Variants in PPP1R15B observed in about 807,000 individuals in gnomAD.
PPP1R15B encodes the protein protein phosphatase 1, regulatory (inhibitor) subunit 15B.
A neutral mutation model predicts 53.9 loss-of-function variants in PPP1R15B; 31 were observed. That is an observed-to-expected ratio of 0.58 (90% CI 0.43 to 0.78). PPP1R15B has a LOEUF of 0.78. Among genes scored for constraint, PPP1R15B ranks in the 30% least tolerant of loss-of-function variants. PPP1R15B has a pLI of 0.00. For synonymous variants in PPP1R15B, 345 were observed against 329.1 expected (o/e 1.05, Z -0.52); for missense variants, 928 against 849.6 (o/e 1.09, Z -1.15).
intron 1 of PPP1R15B, 77 bp from the exon 2 acceptor site, chr1:204,406,390 A>G: frequency 7.3e-6 from 11 of 1,510,612 alleles, no homozygotes; most frequent in Non-Finnish European, 9.8e-6. Context: ...CCTTTATGCT[A>G]CCAATTCTTT....
At position 204,410,762 on chromosome 1, in the gene PPP1R15B, C is replaced by T. The variant is rs920566369; in HGVS notation, c.650G>A (p.Ser217Asn). The change falls in exon 1 of 2, where the codon AGT (serine) becomes AAT (asparagine). Residue 217 changes from serine (S) to asparagine (N), a missense_variant. Transcript: ENST00000367188. ...AGGGTTCAGCAAATAGGATACCACA[C>T]TGAAATTGTCTATGCGTTGAATGTT... ...PLNIQRIDNF[S>N]VVSYLLNPSY... 4 of 1,614,102 alleles carry T rather than the reference C, an allele frequency of 2.5e-6. No individual in the cohort carries two copies. Among genetic ancestry groups the T allele is most frequent in the Admixed American group, 1.7e-5 (1 of 60,002 alleles).
In PPP1R15B at chr1:204,409,793, T is replaced by A. The variant is rs1674329106; in HGVS notation, c.1619A>T (p.Glu540Val). The A allele has an allele frequency of 1.2e-6, 2 of 1,614,046 alleles. No homozygotes were observed. The highest frequency in any genetic ancestry group is 1.7e-6 in the Non-Finnish European group (2 of 1,180,026). The change falls in exon 1 of 2, where the codon GAA becomes GTA. Residue 540 changes from glutamate (E) to valine (V), a missense_variant. Physicochemically the swap from Glu to Val is moderately radical, Grantham distance 121. Coordinates refer to ENST00000367188, the MANE Select transcript of PPP1R15B (RefSeq NM_032833.5). ...ATCTGCACTAGATTCCCAGTCATCT[T>A]CCTCCCCAGAACTATGCTCAGGGGT... The part of the protein sequence containing the change: ...PETPEHSSGE[E>V]DDWESSADEA...
chr1:204,406,269 A>C lies in PPP1R15B; in HGVS notation c.1965T>G (p.Asp655Glu). Residue 655 changes from aspartate (D) to glutamate (E), a missense_variant, in exon 2 of 2, where the codon GAT becomes GAG. Coordinates refer to ENST00000367188, the MANE Select transcript of PPP1R15B (RefSeq NM_032833.5). Reference protein sequence around the residue: ...EEVTEYYISGDEDRKGPWEEF... With the variant: ...EEVTEYYISGEEDRKGPWEEF... ...CTTCCCATGGTCCTTTGCGATCCTC[A>C]TCACCACTTATATAATACTCAGTAA... 1 of 1,614,106 alleles carries C rather than the reference A, an allele frequency of 6.2e-7. No homozygotes were observed. The highest frequency in any genetic ancestry group is 8.5e-7 in the Non-Finnish European group (1 of 1,180,004).
In PPP1R15B at chr1:204,405,811, C is replaced by G; in HGVS notation, c.*281G>C. 1 of 1,121,716 alleles carries G rather than the reference C, an allele frequency of 8.9e-7. No individual in the cohort carries two copies. The highest frequency in any genetic ancestry group is 1.1e-6 in the Non-Finnish European group (1 of 914,644). The allele number at this position is 1,121,716 out of a possible 1,614,324, so 69.5% of individuals were successfully genotyped here. A position where few individuals can be genotyped will look rare whatever the true frequency, so the allele number is the denominator to read the frequency against. On this transcript the variant is annotated 3_prime_UTR_variant, in exon 2 of 2. Transcript: ENST00000367188. ...GCAAAATGACAACTCAAAAAGGTCC[C>G]CTTTCCACCTCATGCAGGCAAAGGA...
rs972963696 is a variant in PPP1R15B at position 204,405,755 on chromosome 1, ATT to A, written c.*335_*336del. On this transcript the variant is annotated 3_prime_UTR_variant, in exon 2 of 2. Transcript: ENST00000367188. ...AAAATGGGCTTTAAGCCCTATAAATATTGTTTTCCAAGAAAATAAGTTTTGAA... is the reference window on the plus strand; with the variant it reads ...AAAATGGGCTTTAAGCCCTATAAATAGTTTTCCAAGAAAATAAGTTTTGAA... The A allele has an allele frequency of 5.8e-5, 60 of 1,030,878 alleles. No homozygotes were observed. The highest frequency in any genetic ancestry group is 6.9e-5 in the Non-Finnish European group (59 of 857,078). The allele number at this position is 1,030,878 out of a possible 1,614,324, so 63.9% of individuals were successfully genotyped here. A position where few individuals can be genotyped will look rare whatever the true frequency, so the allele number is the denominator to read the frequency against.
chr1:204,396,383 CA>C (rs56077006), downstream of PPP1R15B, among the ~76,000 whole-genome samples: 113,906 of 136,348 alleles, frequency 0.84, 47,779 homozygotes, highest in Non-Finnish European at 0.9. Flanking sequence ...AAAACAAAAA[CA>C]AAAAAAAAAA....
chr1:204,409,302 T>C (rs559976390), intron 1 of PPP1R15B, among the ~76,000 whole-genome samples, 190 bp downstream of exon 1: 1 of 152,236 alleles, frequency 6.6e-6, no homozygotes, highest in East Asian at 1.9e-4. Context: ...ACAGCAACAA[T>C]GTGCATTGGG....
At chr1:204,409,404 C>G in intron 1 of PPP1R15B, 88 bp downstream of exon 1, 1 of 1,439,196 alleles carries the variant, frequency 6.9e-7, no homozygotes, top group South Asian at 1.4e-5. Flanking sequence ...AATACATGCA[C>G]TCCTAAGCCT....
At position 204,411,078 on chromosome 1, in the gene PPP1R15B, G is replaced by A. The variant is rs751484652; in HGVS notation, c.334C>T (p.Arg112Trp). ...GCTGTGGGGGCGGCTGGTTTCTCCC[G>A]TCCCTTCAGGGCTCTCAGGGCGCTG... The part of the protein sequence containing the change: ...VYSALRALKG[R>W]EKPAAPTAQK... Residue 112 changes from arginine (R) to tryptophan (W), a missense_variant, in exon 1 of 2, where the codon CGG becomes TGG. Arg to Trp is a moderately radical substitution (Grantham distance 101). Coordinates refer to ENST00000367188, the MANE Select transcript of PPP1R15B (RefSeq NM_032833.5). The A allele has an allele frequency of 6.2e-7, 1 of 1,614,190 alleles. No individual in the cohort carries two copies. Among genetic ancestry groups the A allele is most frequent in the Non-Finnish European group, 8.5e-7 (1 of 1,180,024 alleles).
chr1:204,396,679 AGTG>A (rs1042058580), downstream of PPP1R15B, among the ~76,000 whole-genome samples: 27 of 152,292 alleles, frequency 1.8e-4, no homozygotes, highest in African/African-American at 6.3e-4. Context: ...ATATTTTGAT[AGTG>A]GTGGTGTTTA....
rs376204789 is a variant in PPP1R15B, at chr1:204,409,906, A to T, written c.1506T>A (p.Ile502=). ...FTATIQTAAR[I]VPEEPSDSEK... is the part of the protein sequence containing the mutation. ...CTGAATCAGAAGGCTCTTCAGGAACAATTCTGGCAGCAGTCTGAATTGTTG... is the reference window on the plus strand; with the variant it reads ...CTGAATCAGAAGGCTCTTCAGGAACTATTCTGGCAGCAGTCTGAATTGTTG... The change falls in exon 1 of 2, where the codon ATT becomes ATA. Residue 502 remains isoleucine (I), a synonymous_variant. Transcript: ENST00000367188. The T allele has an allele frequency of 6.2e-7, 1 of 1,614,070 alleles. No homozygotes were observed. The highest frequency in any genetic ancestry group is 2.2e-5 in the East Asian group (1 of 44,898).
In PPP1R15B at chr1:204,403,972, CT is replaced by C. The variant is rs1674220690; in HGVS notation, c.*2119del. 2 of 985,256 alleles carry C rather than the reference CT, an allele frequency of 2.0e-6. No individual in the cohort carries two copies. The highest frequency in any genetic ancestry group is 9.4e-5 in the South Asian group (2 of 21,292). The allele number at this position is 985,256 out of a possible 1,614,324, so 61.0% of individuals were successfully genotyped here. A position where few individuals can be genotyped will look rare whatever the true frequency, so the allele number is the denominator to read the frequency against. On this transcript the variant is annotated 3_prime_UTR_variant, in exon 2 of 2. Transcript: ENST00000367188. ...TTTTCCAAAATCCAATGAAAGATGT[CT>C]CATTATTTTCAAATACACAGAGGTG...
intron 1 of PPP1R15B, among the ~76,000 whole-genome samples, chr1:204,407,736 T>A (rs895588548): frequency 1.3e-5 from 2 of 152,194 alleles, no homozygotes; most frequent in African/African-American, 4.8e-5. Context: ...AATCCTCACA[T>A]TAACCCTATG....
chr1:204,404,495 G>C lies in PPP1R15B; in HGVS notation c.*1597C>G. The C allele has an allele frequency of 1.0e-6, 1 of 979,098 alleles. No homozygotes were observed. The highest frequency in any genetic ancestry group is 1.2e-6 in the Non-Finnish European group (1 of 824,416). 60.7% of individuals were successfully genotyped at this position (979,098 alleles called of 1,614,324 possible). ...ACGAGACTCTGTCTCAAAAAAAAAA[G>C]AAAAAAACAAAAAACACACAGAATA... On this transcript the variant is annotated 3_prime_UTR_variant, in exon 2 of 2. Transcript: ENST00000367188.
Position 204,409,844 on chromosome 1 carries a change from G to A in PPP1R15B, c.1568C>T (p.Ser523Phe), listed in dbSNP as rs1432252215. Residue 523 changes from serine (S) to phenylalanine (F), a missense_variant, in exon 1 of 2, where the codon TCC becomes TTC. Transcript: ENST00000367188. ...CTCAGGAAGGCTTCCAGACTGGGAG[G>A]AATTCTCTAGATCAGACTTGCCAGA... ...DLSGKSDLEN[S>F]SQSGSLPETP... 6.2e-7 allele frequency: 1 copy of A among 1,614,120 alleles called. No homozygotes were observed. Among genetic ancestry groups the A allele is most frequent in the South Asian group, 1.1e-5 (1 of 91,080 alleles).
chr1:204,408,424 C>T (rs1421588679), intron 1 of PPP1R15B, among the ~76,000 whole-genome samples: 1 of 152,188 alleles, frequency 6.6e-6, no homozygotes, highest in Non-Finnish European at 1.5e-5. Flanking sequence ...AAGATTATCA[C>T]CATTTTGAGA....
chr1:204,399,329 A>G (rs1473218341), downstream of PPP1R15B, among the ~76,000 whole-genome samples: 1 of 152,180 alleles, frequency 6.6e-6, no homozygotes, highest in Admixed American at 6.5e-5. Flanking sequence ...TTGGGAGGCC[A>G]AGGCAGGCAG....
At chr1:204,396,893 T>C (rs1674107283), downstream of PPP1R15B, among the ~76,000 whole-genome samples, 1 of 152,146 alleles carries the variant, frequency 6.6e-6, no homozygotes, top group Non-Finnish European at 1.5e-5. Context: ...AATAACAATG[T>C]ATTATATTCT....
In PPP1R15B at chr1:204,407,954, A is replaced by G. The variant is rs543767293; in HGVS notation, c.1920+1538T>C. Among the ~76,000 whole-genome samples the G allele has an allele frequency of 2.6e-4, 40 of 152,342 alleles. 1 individual carries two copies. Among genetic ancestry groups the G allele is most frequent in the African/African-American group, 9.4e-4 (39 of 41,578 alleles). ...AAATTCTGCTTCTAGTTCATAGTCA[A>G]TAGTATCATCTACTCCACTCATTTC... On this transcript the variant is annotated intron_variant, in intron 1 of 1. Coordinates refer to ENST00000367188, the MANE Select transcript of PPP1R15B (RefSeq NM_032833.5).
Sources: gnomAD v4.1 joint callset for allele counts (sites outside exome capture counted in the v4.1 genomes callset) on GRCh38, gnomAD v4.1.1 for gene constraint, MANE v1.5 for transcripts, NCBI Gene and HGNC (gene_info 2026-07-23, HGNC 2026-07-21) for gene names.